Variants in IBTK observed in about 807,000 individuals in gnomAD.
The protein encoded by IBTK is BTK-binding protein.
In IBTK, 83 loss-of-function variants were observed where a neutral mutation model predicts 154.9. That is an observed-to-expected ratio of 0.54 (90% CI 0.45 to 0.64). IBTK has a LOEUF of 0.64. Among genes scored for constraint, IBTK ranks in the 30% least tolerant of loss-of-function variants. IBTK has a pLI of 0.00. For synonymous variants in IBTK, 515 were observed against 536.1 expected (o/e 0.96, Z 0.54); for missense variants, 1,332 against 1,584.6 (o/e 0.84, Z 2.71).
chr6:82,192,990 C>T (rs1375230990), intron 23 of IBTK, among the ~76,000 whole-genome samples: 3 of 145,946 alleles, frequency 2.1e-5, no homozygotes, highest in East Asian at 4.2e-4. Context: ...CCCAGCTACT[C>T]GGGAGGTTGA....
intron 25 of IBTK, 129 bp downstream of exon 25, chr6:82,190,944 C>A: frequency 1.7e-6 from 1 of 591,950 alleles, no homozygotes; most frequent in Non-Finnish European, 2.6e-6. Context: ...AACTTGAAAA[C>A]AGAAGGGGAG....
chr6:82,205,153 T>G, intron 16 of IBTK, 195 bp from the exon 17 acceptor site: 1 of 376,822 alleles, frequency 2.7e-6, no homozygotes, highest in East Asian at 4.1e-5. Context: ...AGTAAATACA[T>G]CAAAATATAT....
At chr6:82,243,138 G>T (rs1355572316) in intron 1 of IBTK, among the ~76,000 whole-genome samples, 1 of 151,924 alleles carries the variant, frequency 6.6e-6, no homozygotes, top group Non-Finnish European at 1.5e-5. Flanking sequence ...CTACTTGGGA[G>T]GCTGAGGCAG....
chr6:82,175,939 G>GA, intron 26 of IBTK, among the ~76,000 whole-genome samples: 1 of 151,804 alleles, frequency 6.6e-6, no homozygotes. Context: ...GGAGGCAGGA[G>GA]AATCGCTTGA....
intron 22 of IBTK, among the ~76,000 whole-genome samples, chr6:82,195,921 G>A (rs1023032856): frequency 6.6e-6 from 1 of 152,160 alleles, no homozygotes; most frequent in Non-Finnish European, 1.5e-5. Context: ...AACTTTCAAA[G>A]TAGGCTTATT....
chr6:82,179,821 CA>C (rs1768244849), intron 26 of IBTK, among the ~76,000 whole-genome samples: 1 of 152,038 alleles, frequency 6.6e-6, no homozygotes, highest in Non-Finnish European at 1.5e-5. Flanking sequence ...TGAGCACATT[CA>C]AAACCAGAGG....
intron 26 of IBTK, chr6:82,174,955 C>G: frequency 2.2e-6 from 1 of 456,082 alleles, no homozygotes; most frequent in African/African-American, 2.0e-5. Context: ...TGTCTTCTCA[C>G]TCTTTTACAG....
chr6:82,192,747 C>CAA (rs148526883), intron 23 of IBTK, among the ~76,000 whole-genome samples: 5 of 89,158 alleles, frequency 5.6e-5, no homozygotes, highest in Admixed American at 1.2e-4. Flanking sequence ...AACTCTGTCT[C>CAA]AAAAAAAAAA....
At position 82,194,553 on chromosome 6, in the gene IBTK, T is replaced by A. The variant is rs758243872; in HGVS notation, c.3264A>T (p.Ile1088=). 1.9e-6 allele frequency: 3 copies of A among 1,611,748 alleles called. No individual in the cohort carries two copies. The highest frequency in any genetic ancestry group is 2.7e-5 in the African/African-American group (2 of 74,856). Residue 1088 remains isoleucine (I), a synonymous_variant, in exon 23 of 29, where the codon ATA becomes ATT. Coordinates refer to ENST00000306270, the MANE Select transcript of IBTK (RefSeq NM_015525.4). ...TACTGGGAATAGGCTGTGGAGCAGATATTTTAAGTATTGGTGACTTTTCCC... is the reference window on the plus strand; with the variant it reads ...TACTGGGAATAGGCTGTGGAGCAGAAATTTTAAGTATTGGTGACTTTTCCC... ...KPWEKSPILK[I]SAPQPIPSNR...
intron 6 of IBTK, among the ~76,000 whole-genome samples, chr6:82,224,602 G>A (rs914578230): frequency 2.6e-5 from 4 of 152,142 alleles, no homozygotes; most frequent in African/African-American, 4.8e-5. Flanking sequence ...TTTGTCGTGC[G>A]ATTGTCCTGT....
At chr6:82,218,415 T>C (rs952652037) in intron 9 of IBTK, among the ~76,000 whole-genome samples, 41 of 152,238 alleles carry the variant, frequency 2.7e-4, no homozygotes, top group Admixed American at 1.7e-3. Flanking sequence ...GTATTACCTG[T>C]TTAGGGCAAA....
In IBTK at chr6:82,171,495, T is replaced by A; in HGVS notation, c.3992A>T (p.Glu1331Val). ...VFYEAFGNPE[E>V]FVIVERTPQG... ...CGGTGTCCTTTCAACAATGACAAAC[T>A]CTTCAGGGTTGCCAAATGCCTCATA... The change falls in exon 29 of 29, where the codon GAG becomes GTG. Residue 1331 changes from glutamate to valine, a missense_variant. Physicochemically the swap from Glu to Val is moderately radical, Grantham distance 121. Coordinates refer to ENST00000306270, the MANE Select transcript of IBTK (RefSeq NM_015525.4). The A allele has an allele frequency of 2.5e-6, 4 of 1,613,104 alleles. No homozygotes were observed. Among genetic ancestry groups the A allele is most frequent in the Non-Finnish European group, 3.4e-6 (4 of 1,179,330 alleles).
chr6:82,233,155 CAAAAAAA>C (rs35870814), intron 3 of IBTK, among the ~76,000 whole-genome samples: 2 of 93,390 alleles, frequency 2.1e-5, no homozygotes, highest in African/African-American at 7.3e-5. Flanking sequence ...GAAACTGTCT[CAAAAAAA>C]AAAAAAAAAA....
intron 1 of IBTK, among the ~76,000 whole-genome samples, chr6:82,246,769 G>A (rs1771163897): frequency 6.6e-6 from 1 of 152,162 alleles, no homozygotes; most frequent in South Asian, 2.1e-4. Context: ...ATCAAGAGGG[G>A]GCTGGCAAGC....
intron 3 of IBTK, among the ~76,000 whole-genome samples, chr6:82,233,155 CAAAAAA>C (rs35870814): frequency 2.1e-5 from 2 of 93,390 alleles, no homozygotes; most frequent in African/African-American, 3.7e-5. Flanking sequence ...GAAACTGTCT[CAAAAAA>C]AAAAAAAAAA....
rs574800863 is a variant in IBTK at position 82,214,210 on chromosome 6, T to C, written c.2204+17A>G. The C allele has an allele frequency of 8.8e-6, 14 of 1,593,750 alleles. No individual in the cohort carries two copies. In the East Asian group the frequency reaches 2.9e-4, roughly 33 times the overall value. ...ACTGAATGAGGTACAGGAACAGATA[T>C]AAAAGAGAAATCATACCTACTACTC... On this transcript the variant is annotated intron_variant, in intron 12 of 28. Transcript: ENST00000306270.
intron 26 of IBTK, among the ~76,000 whole-genome samples, chr6:82,180,256 T>C (rs1768272006): frequency 1.3e-5 from 2 of 152,206 alleles, no homozygotes; most frequent in African/African-American, 4.8e-5. Flanking sequence ...TGTTTTGTTT[T>C]GTTTTTTGAG....
At chr6:82,185,246 A>ACAATCTG (rs1768504719) in intron 25 of IBTK, among the ~76,000 whole-genome samples, 1 of 151,688 alleles carries the variant, frequency 6.6e-6, no homozygotes, top group African/African-American at 2.4e-5. Context: ...TCTATAAATA[A>ACAATCTG]CAATCTGTAA....
chr6:82,180,242 A>C (rs197251), intron 26 of IBTK, among the ~76,000 whole-genome samples: 41,093 of 151,792 alleles, frequency 0.27, 5,985 homozygotes, highest in Non-Finnish European at 0.34. Context: ...AGGTTTTTTT[A>C]TTTTGTTTTG....
Sources: gnomAD v4.1 joint callset for allele counts (sites outside exome capture counted in the v4.1 genomes callset) on GRCh38, gnomAD v4.1.1 for gene constraint, MANE v1.5 for transcripts, NCBI Gene and HGNC (gene_info 2026-07-23, HGNC 2026-07-21) for gene names.